Variants in CWC22 observed in about 807,000 individuals in gnomAD.
CWC22 encodes pre-mRNA-splicing factor CWC22 homolog.
A neutral mutation model predicts 117.2 loss-of-function variants in CWC22; 53 were observed. The observed-to-expected ratio is 0.45, with a 90% CI of 0.36 to 0.57. The LOEUF (loss-of-function observed/expected upper bound fraction) is 0.57. Among genes scored for constraint, CWC22 ranks in the 20% least tolerant of loss-of-function variants. CWC22 has a pLI of 0.00. For missense variants in CWC22, 980 were observed against 1,068.8 expected (o/e 0.92, Z 1.16); for synonymous variants, 360 against 355.6 (o/e 1.01, Z -0.14).
chr2:179,951,418 G>A (rs1279768834), intron 17 of CWC22, among the ~76,000 whole-genome samples: 3 of 147,870 alleles, frequency 2.0e-5, no homozygotes, highest in East Asian at 4.1e-4. Flanking sequence ...AATATATATG[G>A]AGTGAGACAA....
At chr2:179,975,072 T>C (rs559780502) in intron 6 of CWC22, among the ~76,000 whole-genome samples, 1 of 152,288 alleles carries the variant, frequency 6.6e-6, no homozygotes, top group South Asian at 2.1e-4. Flanking sequence ...TTTTTAAAGA[T>C]GAATCATAGT....
In CWC22 at chr2:179,945,091, G is replaced by T; in HGVS notation, c.*38C>A. 7.2e-7 allele frequency: 1 copy of T among 1,395,006 alleles called. No individual in the cohort carries two copies. Among genetic ancestry groups the T allele is most frequent in the South Asian group, 1.3e-5 (1 of 74,170 alleles). The allele number at this position is 1,395,006 out of a possible 1,614,324, so 86.4% of individuals were successfully genotyped here. ...AAGTAAAAAATAATTTGTTTCAACTGAATATAAGGCATGTCCAGTTTATGT... is the reference window on the plus strand; with the variant it reads ...AAGTAAAAAATAATTTGTTTCAACTTAATATAAGGCATGTCCAGTTTATGT... On this transcript the variant is annotated 3_prime_UTR_variant, in exon 20 of 20. Coordinates refer to ENST00000410053, the MANE Select transcript of CWC22 (RefSeq NM_020943.3).
At chr2:179,948,862 T>C (rs1450611336) in intron 19 of CWC22, among the ~76,000 whole-genome samples, 3 of 152,196 alleles carry the variant, frequency 2.0e-5, no homozygotes, top group African/African-American at 7.2e-5. Context: ...AAACTGGTTT[T>C]CAAATCACAT....
chr2:179,994,317 A>C (rs1687646045), intron 1 of CWC22, among the ~76,000 whole-genome samples: 1 of 152,224 alleles, frequency 6.6e-6, no homozygotes, highest in Non-Finnish European at 1.5e-5. Context: ...ACTGGAAAAA[A>C]AAATTAATTT....
intron 1 of CWC22, among the ~76,000 whole-genome samples, chr2:180,001,567 T>G (rs1190432532): frequency 6.6e-6 from 1 of 152,182 alleles, no homozygotes; most frequent in Non-Finnish European, 1.5e-5. Context: ...TGACCTCAAG[T>G]GATCTGCCCA....
intron 14 of CWC22, among the ~76,000 whole-genome samples, chr2:179,958,795 T>C (rs1011555728): frequency 2.6e-5 from 4 of 152,314 alleles, no homozygotes; most frequent in Admixed American, 2.6e-4. Context: ...TCAGAGACTC[T>C]CTTTTTACCA....
At chr2:179,961,170 G>T (rs556283769) in intron 13 of CWC22, among the ~76,000 whole-genome samples, 4 of 151,950 alleles carry the variant, frequency 2.6e-5, no homozygotes, top group African/African-American at 9.7e-5. Flanking sequence ...CATATGCACA[G>T]AATTTAAAAT....
intron 13 of CWC22, among the ~76,000 whole-genome samples, chr2:179,962,762 C>G (rs936671428): frequency 2.0e-5 from 3 of 151,906 alleles, no homozygotes; most frequent in African/African-American, 7.3e-5. Context: ...ATTCACATTA[C>G]GTAGCAGGGT....
chr2:180,001,921 T>C (rs1361889810), intron 1 of CWC22, among the ~76,000 whole-genome samples: 1 of 152,242 alleles, frequency 6.6e-6, no homozygotes, highest in Non-Finnish European at 1.5e-5. Flanking sequence ...CATTGCTACA[T>C]TCCCAACACT....
intron 19 of CWC22, among the ~76,000 whole-genome samples, chr2:179,948,492 A>G (rs1257925728): frequency 6.6e-6 from 1 of 152,148 alleles, no homozygotes; most frequent in Non-Finnish European, 1.5e-5. Context: ...CCTACAAGAC[A>G]TTTTCACAGA....
chr2:179,990,821 C>T (rs1687546135), intron 2 of CWC22, among the ~76,000 whole-genome samples: 1 of 152,176 alleles, frequency 6.6e-6, no homozygotes, highest in Admixed American at 6.5e-5. Flanking sequence ...TAACAAATGA[C>T]TGGCACACAT....
rs544810628 is a variant in CWC22 at position 179,996,560 on chromosome 2, T to C, written c.-113-3106A>G. 2.0e-5 allele frequency among the ~76,000 whole-genome samples: 3 copies of C among 152,156 alleles called. No homozygotes were observed. The South Asian group carries it at 6.2e-4, about 32-fold the overall frequency. On this transcript the variant is annotated intron_variant, in intron 1 of 19. Transcript: ENST00000410053. ...TGTTGACTTCTCATCAGAAACTAAA[T>C]AGACCATGTTCTCATTTACATGCAG... is the stretch of plus-strand genomic sequence containing the variant.
At chr2:179,970,044 G>T (rs1348175461) in intron 11 of CWC22, among the ~76,000 whole-genome samples, 1 of 152,072 alleles carries the variant, frequency 6.6e-6, no homozygotes, top group Non-Finnish European at 1.5e-5. Flanking sequence ...AAATGAAAAT[G>T]ATCAATTTAT....
At chr2:179,979,060 T>C (rs1275283502) in intron 5 of CWC22, among the ~76,000 whole-genome samples, 1 of 152,222 alleles carries the variant, frequency 6.6e-6, no homozygotes, top group Non-Finnish European at 1.5e-5. Flanking sequence ...ATGGGTTTTG[T>C]AACTGCTTTT....
intron 6 of CWC22, among the ~76,000 whole-genome samples, chr2:179,974,098 C>A (rs1438476365): frequency 6.6e-6 from 1 of 151,966 alleles, no homozygotes; most frequent in Non-Finnish European, 1.5e-5. Context: ...TGAATTTGAA[C>A]CTTAAAAAGG....
At chr2:180,003,518 C>G (rs1273124694) in intron 1 of CWC22, among the ~76,000 whole-genome samples, 3 of 152,162 alleles carry the variant, frequency 2.0e-5, no homozygotes, top group African/African-American at 7.2e-5. Flanking sequence ...ATTAGAGAGC[C>G]ACGTAGTAAA....
intron 13 of CWC22, among the ~76,000 whole-genome samples, chr2:179,960,479 C>T (rs1426065703): frequency 6.6e-6 from 1 of 151,878 alleles, no homozygotes; most frequent in Admixed American, 6.6e-5. Context: ...AAAATAATTA[C>T]AACTACCTAA....
At chr2:179,951,069 T>G (rs1160858290) in intron 17 of CWC22, 143 bp from the exon 18 acceptor site, 1 of 592,648 alleles carries the variant, frequency 1.7e-6, no homozygotes. Flanking sequence ...TTTATTAGGT[T>G]AGGCTACGTG....
chr2:180,005,781 A>G (rs1165634712), intron 1 of CWC22, among the ~76,000 whole-genome samples: 1 of 152,206 alleles, frequency 6.6e-6, no homozygotes, highest in Non-Finnish European at 1.5e-5. Context: ...AAAAAAGACA[A>G]TACAGTGAGG....
Sources: gnomAD v4.1 joint callset for allele counts (sites outside exome capture counted in the v4.1 genomes callset) on GRCh38, gnomAD v4.1.1 for gene constraint, MANE v1.5 for transcripts, NCBI Gene and HGNC (gene_info 2026-07-23, HGNC 2026-07-21) for gene names.